DST: variants seen among roughly 807,000 people sequenced by gnomAD.
The protein encoded by DST is dystonin.
Under a neutral mutation model 875.2 loss-of-function variants are expected in DST, and 253 were observed. That is an observed-to-expected ratio of 0.29 (90% confidence interval 0.26 to 0.32). DST has a LOEUF of 0.32. Among genes scored for constraint, DST ranks in the 10% least tolerant of loss-of-function variants. The pLI, the probability that DST is intolerant of heterozygous loss-of-function variation, is 1.00. For missense variants in DST, 8,287 were observed against 9,111.6 expected (o/e 0.91, Z 3.68); for synonymous variants, 3,124 against 3,197.1 (o/e 0.98, Z 0.77).
At chr6:56,929,219 G>T (rs1399762308) in intron 2 of DST, among the ~76,000 whole-genome samples, 1 of 151,978 alleles carries the variant, frequency 6.6e-6, no homozygotes, top group Non-Finnish European at 1.5e-5. Context: ...CTCCTTCTGG[G>T]AATTTATCCC....
At chr6:56,709,725 C>G (rs1056473347) in intron 5 of DST, among the ~76,000 whole-genome samples, 1 of 152,224 alleles carries the variant, frequency 6.6e-6, no homozygotes, top group East Asian at 1.9e-4. Flanking sequence ...CCTCTTGAAG[C>G]CTGTAATCTG....
At chr6:56,725,410 T>C (rs2099448543) in intron 5 of DST, among the ~76,000 whole-genome samples, 1 of 152,156 alleles carries the variant, frequency 6.6e-6, no homozygotes, top group African/African-American at 2.4e-5. Flanking sequence ...ATTCACAGAC[T>C]ACAGTGAATG....
intron 17 of DST, among the ~76,000 whole-genome samples, chr6:56,641,380 A>T (rs1316303530): frequency 6.6e-6 from 1 of 152,192 alleles, no homozygotes; most frequent in African/African-American, 2.4e-5. Flanking sequence ...TAAGGTCAGG[A>T]GTACAAGACC....
At chr6:56,508,136 G>A (rs1222987742) in intron 75 of DST, among the ~76,000 whole-genome samples, 1 of 152,116 alleles carries the variant, frequency 6.6e-6, no homozygotes, top group Non-Finnish European at 1.5e-5. Context: ...CCAGGTTCAA[G>A]TGATTCTCAT....
intron 4 of DST, among the ~76,000 whole-genome samples, chr6:56,822,958 T>C (rs1269755991): frequency 1.3e-5 from 2 of 151,820 alleles, no homozygotes; most frequent in East Asian, 3.9e-4. Context: ...GCCTCCCGAG[T>C]AGCTGGGACT....
At chr6:56,835,640 C>T (rs891980393) in intron 4 of DST, among the ~76,000 whole-genome samples, 1 of 152,170 alleles carries the variant, frequency 6.6e-6, no homozygotes, top group Non-Finnish European at 1.5e-5. Flanking sequence ...TCCATATGCC[C>T]TATTTTATCC....
chr6:56,680,740 T>A (rs886315794), intron 9 of DST, among the ~76,000 whole-genome samples: 1 of 152,096 alleles, frequency 6.6e-6, no homozygotes, highest in Non-Finnish European at 1.5e-5. Context: ...CTCTCCTCAC[T>A]CTCCCTGGAT....
chr6:56,778,017 T>C (rs779613056), intron 4 of DST, among the ~76,000 whole-genome samples: 3 of 152,132 alleles, frequency 2.0e-5, no homozygotes, highest in African/African-American at 7.3e-5. Context: ...AGGAGTATTT[T>C]TAAATGCAAA....
intron 49 of DST, among the ~76,000 whole-genome samples, chr6:56,585,658 GCT>G (rs1467112977): frequency 1.3e-5 from 2 of 151,752 alleles, no homozygotes; most frequent in African/African-American, 2.4e-5. Context: ...GTTTGCTCTT[GCT>G]TTTCTAGTTC....
At chr6:56,632,745 A>G (rs1376072941) in intron 28 of DST, 109 bp downstream of exon 28, 1 of 862,798 alleles carries the variant, frequency 1.2e-6, no homozygotes, top group Non-Finnish European at 1.9e-6. Context: ...TCTACATATC[A>G]TAGGCTGGGT....
intron 9 of DST, among the ~76,000 whole-genome samples, chr6:56,688,786 T>C (rs2099205735): frequency 6.6e-6 from 1 of 152,170 alleles, no homozygotes; most frequent in African/African-American, 2.4e-5. Context: ...TGAGATATAA[T>C]GCACAAGGAA....
At chr6:56,729,473 C>T (rs972040444) in intron 5 of DST, among the ~76,000 whole-genome samples, 1 of 152,078 alleles carries the variant, frequency 6.6e-6, no homozygotes, top group African/African-American at 2.4e-5. Context: ...GCCTGTAATC[C>T]CAGCTACCTG....
intron 4 of DST, among the ~76,000 whole-genome samples, chr6:56,780,411 T>C (rs371089046): frequency 0.024 from 3,594 of 150,050 alleles, 138 homozygotes; most frequent in African/African-American, 0.08. Flanking sequence ...TTTTAATGAT[T>C]GCCATTCTAA....
At chr6:56,727,693 T>TA (rs917807151) in intron 5 of DST, among the ~76,000 whole-genome samples, 2 of 152,184 alleles carry the variant, frequency 1.3e-5, no homozygotes, top group Non-Finnish European at 2.9e-5. Flanking sequence ...CCAGCCAAGA[T>TA]AGAGTATATG....
intron 4 of DST, among the ~76,000 whole-genome samples, chr6:56,762,492 C>G (rs1044233708): frequency 6.6e-6 from 1 of 152,166 alleles, no homozygotes; most frequent in Non-Finnish European, 1.5e-5. Context: ...AATGGCTGCC[C>G]GCACTCACAA....
At chr6:56,568,718 G>T (rs935192289) in intron 54 of DST, 123 bp from the exon 55 acceptor site, 2 of 898,074 alleles carry the variant, frequency 2.2e-6, no homozygotes, top group Non-Finnish European at 3.2e-6. Flanking sequence ...TGAGGGAGTC[G>T]ATGAAAGAAA....
Position 56,940,100 on chromosome 6 carries a change from G to C in DST, c.216+13685C>G, listed in dbSNP as rs545753103. ...AAGTTTCAATCATACTATCAAAAATGTCATAGTCTTAAATATACTGTCAGG... is the reference window on the plus strand; with the variant it reads ...AAGTTTCAATCATACTATCAAAAATCTCATAGTCTTAAATATACTGTCAGG... On this transcript the variant is annotated intron_variant, in intron 2 of 103. Transcript: ENST00000680361. Among the ~76,000 whole-genome samples, 26 of 151,502 alleles carry C rather than the reference G, an allele frequency of 1.7e-4. 1 individual carries two copies. The East Asian group carries it at 4.8e-3, about 28-fold the overall frequency.
chr6:56,583,475 C>A (rs574238236), intron 49 of DST, among the ~76,000 whole-genome samples: 1 of 152,176 alleles, frequency 6.6e-6, no homozygotes, highest in African/African-American at 2.4e-5. Flanking sequence ...TGTTGGAGTT[C>A]ATTGTAGATT....
At chr6:56,662,441 T>C (rs75439176) in intron 10 of DST, among the ~76,000 whole-genome samples, 10,589 of 152,240 alleles carry the variant, frequency 0.07, 1,158 homozygotes, top group African/African-American at 0.24. Context: ...TACCATATGG[T>C]ATTTTTTAAA....
Sources: gnomAD v4.1 joint callset for allele counts (sites outside exome capture counted in the v4.1 genomes callset) on GRCh38, gnomAD v4.1.1 for gene constraint, MANE v1.5 for transcripts, NCBI Gene and HGNC (gene_info 2026-07-23, HGNC 2026-07-21) for gene names.